The following ZRANB3 variants were observed in gnomAD, a reference collection of about 807,000 sequenced individuals.
ZRANB3 encodes the protein zinc finger RANBP2-type containing 3.
ZRANB3 carries 125 observed loss-of-function variants against 133.8 expected under a neutral mutation model. The ratio of observed to expected loss-of-function variants is 0.93; its 90% CI spans 0.81 to 1.08. ZRANB3 has a LOEUF of 1.08. Among genes scored for constraint, ZRANB3 ranks in the 50% least tolerant of loss-of-function variants. The pLI is 0.00. For missense variants in ZRANB3, 1,229 were observed against 1,275.5 expected, an observed-to-expected ratio of 0.96 and a Z score of 0.56; for synonymous variants, 387 against 432.7, an observed-to-expected ratio of 0.89 and a Z score of 1.31.
At chr2:135,206,219 T>C (rs982198973) in intron 19 of ZRANB3, among the ~76,000 whole-genome samples, 6 of 152,170 alleles carry the variant, frequency 3.9e-5, no homozygotes, top group African/African-American at 2.4e-5. Context: ...TGATTCTAAT[T>C]TGAACAAAGT....
chr2:135,465,273 T>C (rs2105020544), intron 2 of ZRANB3, among the ~76,000 whole-genome samples: 1 of 149,962 alleles, frequency 6.7e-6, no homozygotes, highest in East Asian at 2.0e-4. Flanking sequence ...ATTTCCCCCT[T>C]AACTCATGGT....
intron 3 of ZRANB3, among the ~76,000 whole-genome samples, chr2:135,369,362 AGTTT>A (rs2104897090): frequency 6.6e-6 from 1 of 152,252 alleles, no homozygotes; most frequent in South Asian, 2.1e-4. Context: ...TTTTATTAAT[AGTTT>A]GTTTCTAAAT....
chr2:135,295,393 T>C (rs1573854863), intron 8 of ZRANB3, among the ~76,000 whole-genome samples: 5 of 152,276 alleles, frequency 3.3e-5, no homozygotes, highest in African/African-American at 1.2e-4. Context: ...GAGACTAGGA[T>C]TGCAACCCCT....
chr2:135,408,570 C>T (rs549465905), intron 2 of ZRANB3, among the ~76,000 whole-genome samples: 18 of 152,264 alleles, frequency 1.2e-4, no homozygotes, highest in Middle Eastern at 6.8e-3. Flanking sequence ...GACTTGGAAC[C>T]AACCCAAATG....
At chr2:135,418,862 T>C (rs1195267659) in intron 2 of ZRANB3, among the ~76,000 whole-genome samples, 1 of 149,512 alleles carries the variant, frequency 6.7e-6, no homozygotes, top group Non-Finnish European at 1.5e-5. Context: ...GAGTTGACAA[T>C]GAAGGTTTTC....
chr2:135,347,419 A>C (rs1307214716), intron 5 of ZRANB3, among the ~76,000 whole-genome samples: 1 of 151,394 alleles, frequency 6.6e-6, no homozygotes, highest in South Asian at 2.1e-4. Flanking sequence ...CAGCCTCCCG[A>C]GCAGCTGGGA....
chr2:135,390,693 C>T, intron 3 of ZRANB3, 109 bp downstream of exon 3: 1 of 1,475,748 alleles, frequency 6.8e-7, no homozygotes, highest in Non-Finnish European at 9.1e-7. Flanking sequence ...CTCCCCATCC[C>T]CATATACAGA....
At chr2:135,202,658 T>C (rs941525927) in intron 20 of ZRANB3, 174 bp downstream of exon 20, 5 of 635,476 alleles carry the variant, frequency 7.9e-6, no homozygotes, top group African/African-American at 1.8e-5. Context: ...TTCTCTTGCA[T>C]CTGTGACACG....
chr2:135,496,002 T>C (rs1360319665), intron 2 of ZRANB3, among the ~76,000 whole-genome samples: 1 of 152,232 alleles, frequency 6.6e-6, no homozygotes, highest in Non-Finnish European at 1.5e-5. Context: ...GAATTTGTAT[T>C]ACCTGTGTGA....
chr2:135,491,932 T>G (rs964972309), intron 2 of ZRANB3, among the ~76,000 whole-genome samples: 1 of 152,122 alleles, frequency 6.6e-6, no homozygotes, highest in Non-Finnish European at 1.5e-5. Context: ...AAAAAGGCAA[T>G]ATACCAATGT....
chr2:135,215,501 C>T (rs918452059), intron 17 of ZRANB3, among the ~76,000 whole-genome samples: 1 of 152,074 alleles, frequency 6.6e-6, no homozygotes, highest in Non-Finnish European at 1.5e-5. Flanking sequence ...AGTCTGTCCT[C>T]CTTGGCCTCC....
intron 3 of ZRANB3, among the ~76,000 whole-genome samples, chr2:135,367,653 T>C (rs1157073693): frequency 6.6e-6 from 1 of 152,226 alleles, no homozygotes; most frequent in Non-Finnish European, 1.5e-5. Flanking sequence ...CTAAACCATA[T>C]GGTTTTCTTC....
At chr2:135,236,546 A>C (rs1695292743) in intron 12 of ZRANB3, among the ~76,000 whole-genome samples, 1 of 152,206 alleles carries the variant, frequency 6.6e-6, no homozygotes, top group South Asian at 2.1e-4. Context: ...CTATACTACA[A>C]AGCTACAGTA....
intron 10 of ZRANB3, among the ~76,000 whole-genome samples, chr2:135,270,419 G>C (rs995864312): frequency 1.8e-4 from 27 of 152,108 alleles, no homozygotes; most frequent in African/African-American, 6.3e-4. Flanking sequence ...TCAAGTATAT[G>C]AGTCTTGATT....
chr2:135,359,539 C>A (rs114294762), intron 3 of ZRANB3, among the ~76,000 whole-genome samples: 1 of 145,952 alleles, frequency 6.9e-6, no homozygotes, highest in African/African-American at 2.6e-5. Flanking sequence ...GCCATTACCA[C>A]GTCACTGCAC....
intron 3 of ZRANB3, among the ~76,000 whole-genome samples, chr2:135,365,952 AAAAT>A (rs1010384397): frequency 3.9e-5 from 6 of 152,336 alleles, no homozygotes; most frequent in South Asian, 2.1e-4. Flanking sequence ...TGGTGGAAGT[AAAAT>A]AAATAAATAA....
chr2:135,511,386 T>C lies in ZRANB3; in HGVS notation c.-7-6890A>G, dbSNP rs997537548. The C allele has an allele frequency of 1.0e-5, 8 of 803,522 alleles. No individual in the cohort carries two copies. The South Asian group carries it at 1.1e-4, about 11-fold the overall frequency. 49.8% of individuals were successfully genotyped at this position (803,522 alleles called of 1,614,324 possible). A position where few individuals can be genotyped will look rare whatever the true frequency, so the allele number is the denominator to read the frequency against. On this transcript the variant is annotated intron_variant, in intron 1 of 20. Coordinates refer to ENST00000264159, the MANE Select transcript of ZRANB3 (RefSeq NM_032143.4). ...CAGTTCAGCAACTGGCTCCTCTAAA[T>C]GTTCTTCCACGTCATTACTGACAAC...
intron 15 of ZRANB3, among the ~76,000 whole-genome samples, chr2:135,221,315 C>T (rs1048316814): frequency 6.6e-6 from 1 of 152,062 alleles, no homozygotes; most frequent in African/African-American, 2.4e-5. Context: ...GTATTTAGAA[C>T]AGTCATAAAA....
rs117064560 is a variant in ZRANB3 at position 135,486,279 on chromosome 2, C to T, written c.161+18050G>A. 1.3e-3 allele frequency among the ~76,000 whole-genome samples: 204 copies of T among 152,306 alleles called. 5 individuals are homozygous for T. The East Asian group carries it at 0.038, about 28-fold the overall frequency. On this transcript the variant is annotated intron_variant, in intron 2 of 20. Transcript: ENST00000264159. ...CTCCAACCTGCTGATGCTGTATCAA[C>T]TCAGTATACGTTTTATTCTTAATTT...
Sources: allele counts gnomAD v4.1 joint callset (sites outside exome capture counted in the v4.1 genomes callset), GRCh38; gene constraint gnomAD v4.1.1; transcripts MANE v1.5; gene names NCBI Gene and HGNC (gene_info 2026-07-23, HGNC 2026-07-21).